The following SCN7A variants were observed in gnomAD, a reference collection of about 807,000 sequenced individuals.
SCN7A encodes the protein sodium voltage-gated channel alpha subunit 7.
Under a neutral mutation model 155.2 loss-of-function variants are expected in SCN7A, and 138 were observed. The ratio of observed to expected loss-of-function variants is 0.89; its 90% CI spans 0.77 to 1.02. The LOEUF (loss-of-function observed/expected upper bound fraction) is 1.02. Among genes scored for constraint, SCN7A ranks in the 50% least tolerant of loss-of-function variants. The pLI, the probability that SCN7A is intolerant of heterozygous loss-of-function variation, is 0.00. For missense variants in SCN7A, 2,058 were observed against 1,986.6 expected, an observed-to-expected ratio of 1.04 and a Z score of -0.68; for synonymous variants, 693 against 649.0, an observed-to-expected ratio of 1.07 and a Z score of -1.03.
At position 166,427,322 on chromosome 2, in the gene SCN7A, C is replaced by T. The variant is rs376874130; in HGVS notation, c.2853+466G>A. 4.1e-4 allele frequency among the ~76,000 whole-genome samples: 62 copies of T among 152,096 alleles called. 1 individual carries two copies. In the South Asian group the frequency reaches 5.6e-3, roughly 14 times the overall value. On this transcript the variant is annotated intron_variant, in intron 18 of 25. Transcript: ENST00000643258. ...ATATTTTTAGAATTAAGATTCTGAG[C>T]GCAGAGTTAAGATTGTAGGGTCAAA... is the stretch of plus-strand genomic sequence containing the variant.
rs560438981 is a variant in SCN7A, at chr2:166,490,179, G to A, written c.-127-3211C>T. ...TATTTAACTATCACCATCATGATGT[G>A]CAATAGAACACTTATACTTATGCCT... On this transcript the variant is annotated intron_variant, in intron 1 of 25. Transcript: ENST00000643258. 5.3e-5 allele frequency among the ~76,000 whole-genome samples: 8 copies of A among 152,146 alleles called. No homozygotes were observed. The East Asian group carries it at 1.5e-3, about 29-fold the overall frequency.
Position 166,477,678 on chromosome 2 carries a change from G to T in SCN7A, c.19C>A (p.Pro7Thr). Reference sequence around the variant, plus strand: ...TTAGTGAAGGGAACAAGGCCCTTAGGTTCTGGTGAAGCCAACATTTCCAAT... The same window carrying T: ...TTAGTGAAGGGAACAAGGCCCTTAGTTTCTGGTGAAGCCAACATTTCCAAT... MLASPE[P>T]KGLVPFTKES... is the part of the protein sequence containing the mutation. Residue 7 changes from proline (P) to threonine (T), a missense_variant, in exon 3 of 26, where the codon CCT becomes ACT. Transcript: ENST00000643258. The T allele has an allele frequency of 6.4e-7, 1 of 1,568,620 alleles. No homozygotes were observed. The highest frequency in any genetic ancestry group is 1.4e-5 in the African/African-American group (1 of 72,456).
chr2:166,409,193 A>C (rs188199973), intron 25 of SCN7A, among the ~76,000 whole-genome samples: 17 of 152,140 alleles, frequency 1.1e-4, no homozygotes, highest in Admixed American at 1.3e-4. Flanking sequence ...TTATTAAATA[A>C]GAGAGAGATC....
In SCN7A at chr2:166,429,180, T is replaced by A; in HGVS notation, c.2687A>T (p.His896Leu). The change falls in exon 17 of 26, where the codon CAT becomes CTT. Residue 896 changes from histidine to leucine, a missense_variant. Coordinates refer to ENST00000643258, the MANE Select transcript of SCN7A (RefSeq NM_002976.4). Reference sequence around the variant, plus strand: ...CAAAATTTTCTTACCATTTTTCAGATGCTTTGATCTTTCACCTCCATAGAA... The same window carrying A: ...CAAAATTTTCTTACCATTTTTCAGAAGCTTTGATCTTTCACCTCCATAGAA... ...EMFYGGERSK[H>L]LKNGCRRGSS... 1 of 1,527,700 alleles carries A rather than the reference T, an allele frequency of 6.5e-7. No individual in the cohort carries two copies. Among genetic ancestry groups the A allele is most frequent in the African/African-American group, 1.4e-5 (1 of 71,704 alleles). The allele number at this position is 1,527,700 out of a possible 1,614,324, so 94.6% of individuals were successfully genotyped here.
chr2:166,456,803 AAT>A (rs61576399), intron 11 of SCN7A, 65 bp downstream of exon 11: 34,438 of 496,372 alleles, frequency 0.069, 1,315 homozygotes, highest in Middle Eastern at 0.09. Context: ...TCAAGACTAA[AAT>A]ATATATATAT....
Position 166,456,829 on chromosome 2 carries a change from TAG to T in SCN7A, c.1290+39_1290+40del, listed in dbSNP as rs200935650. The T allele has an allele frequency of 9.8e-4, 723 of 738,320 alleles. 6 individuals carry two copies. In the East Asian group the frequency reaches 0.011, roughly 12 times the overall value. 45.7% of individuals were successfully genotyped at this position (738,320 alleles called of 1,614,324 possible). ...ATATATATATATATATATATATATA[TAG>T]ATAGATAGATAGATAGATAGATAGA... On this transcript the variant is annotated intron_variant, in intron 11 of 25. Coordinates refer to ENST00000643258, the MANE Select transcript of SCN7A (RefSeq NM_002976.4).
intron 15 of SCN7A, among the ~76,000 whole-genome samples, chr2:166,438,987 ATT>A (rs1402235876): frequency 6.8e-6 from 1 of 146,830 alleles, no homozygotes; most frequent in African/African-American, 2.5e-5. Context: ...ATATATATAT[ATT>A]TATATGTTAT....
chr2:166,419,310 C>G (rs1701460101), intron 20 of SCN7A, among the ~76,000 whole-genome samples: 1 of 149,088 alleles, frequency 6.7e-6, no homozygotes, highest in Non-Finnish European at 1.5e-5. Context: ...TCAGAATATT[C>G]TATAATGTTT....
chr2:166,446,305 C>A (rs569104706), intron 12 of SCN7A, among the ~76,000 whole-genome samples: 2 of 152,242 alleles, frequency 1.3e-5, no homozygotes, highest in South Asian at 4.1e-4. Context: ...AAATGCAAAT[C>A]AAAACCACAA....
chr2:166,407,563 C>T (rs185485706), intron 25 of SCN7A, among the ~76,000 whole-genome samples: 20 of 151,998 alleles, frequency 1.3e-4, no homozygotes, highest in African/African-American at 4.6e-4. Flanking sequence ...AATACCCTAT[C>T]TCTATAGTGC....
At chr2:166,414,202 A>C (rs1196168467) in intron 21 of SCN7A, among the ~76,000 whole-genome samples, 5 of 96,660 alleles carry the variant, frequency 5.2e-5, no homozygotes, top group Non-Finnish European at 5.8e-5. Context: ...ATAATATATT[A>C]TATATATGTA....
chr2:166,409,799 A>G lies in SCN7A; in HGVS notation c.3848T>C (p.Leu1283Pro), dbSNP rs1213076694. The G allele has an allele frequency of 1.1e-5, 18 of 1,573,082 alleles. No individual in the cohort carries two copies. Among genetic ancestry groups the G allele is most frequent in the Non-Finnish European group, 1.5e-5 (17 of 1,156,866 alleles). The change falls in exon 25 of 26, where the codon CTC (leucine) becomes CCC (proline). Residue 1283 changes from leucine (L) to proline (P), a missense_variant. Coordinates refer to ENST00000643258, the MANE Select transcript of SCN7A (RefSeq NM_002976.4). The part of the protein sequence containing the change: ...DVQSLQMSIA[L>P]YWINSIFVML... ...AACAAAAATTGAGTTAATCCAGTAG[A>G]GAGCAATGGACATTTGTAGACTCTG...
Position 166,429,208 on chromosome 2 carries a change from TTTC to T in SCN7A, c.2656_2658del (p.Glu886del), listed in dbSNP as rs879649943. On this transcript the variant is annotated inframe_deletion, in exon 17 of 26. Transcript: ENST00000643258. ...TTTGATCTTTCACCTCCATAGAACA[TTTC>T]TTCTTCTTCAGAGATAGCAATATCA... 2.1e-5 allele frequency: 33 copies of T among 1,546,764 alleles called. No homozygotes were observed. The highest frequency in any genetic ancestry group is 2.7e-5 in the Non-Finnish European group (31 of 1,144,640).
intron 23 of SCN7A, among the ~76,000 whole-genome samples, chr2:166,411,357 A>T (rs1422267755): frequency 6.6e-6 from 1 of 152,046 alleles, no homozygotes; most frequent in South Asian, 2.1e-4. Flanking sequence ...CCACCCACAC[A>T]TTACTCACTT....
chr2:166,433,909 T>C lies in SCN7A; in HGVS notation c.2158-1157A>G, dbSNP rs78893741. On this transcript the variant is annotated intron_variant, in intron 15 of 25. Coordinates refer to ENST00000643258, the MANE Select transcript of SCN7A (RefSeq NM_002976.4). ...TTGTAACTTATTTTTAACTCAAAGA[T>C]AGTGTATATTTTGACTTTTACTATC... Among the ~76,000 whole-genome samples the C allele has an allele frequency of 5.2e-3, 792 of 152,308 alleles. 4 individuals are homozygous for C. The highest frequency in any genetic ancestry group is 0.018 in the African/African-American group (756 of 41,588).
At chr2:166,439,055 G>GTGTATATATA (rs375208870) in intron 15 of SCN7A, among the ~76,000 whole-genome samples, 9,990 of 112,908 alleles carry the variant, frequency 0.088, 553 homozygotes, top group Admixed American at 0.15. Flanking sequence ...GTGTGTGTGT[G>GTGTATATATA]TATATATATA....
intron 16 of SCN7A, among the ~76,000 whole-genome samples, chr2:166,429,743 T>C (rs183052784): frequency 2.0e-5 from 3 of 152,156 alleles, no homozygotes; most frequent in East Asian, 3.9e-4. Flanking sequence ...GTCTTATGTA[T>C]GTCATCACAG....
intron 6 of SCN7A, among the ~76,000 whole-genome samples, chr2:166,472,035 C>T (rs1702669770): frequency 1.3e-5 from 2 of 151,772 alleles, no homozygotes; most frequent in Admixed American, 6.6e-5. Flanking sequence ...CATATGCATA[C>T]ATTTGCCATG....
Position 166,456,980 on chromosome 2 carries a change from C to T in SCN7A, c.1180G>A (p.Ala394Thr). 6.2e-7 allele frequency: 1 copy of T among 1,607,378 alleles called. No individual in the cohort carries two copies. The highest frequency in any genetic ancestry group is 2.2e-5 in the East Asian group (1 of 44,686). The change falls in exon 11 of 26, where the codon GCC (alanine) becomes ACC (threonine). Residue 394 changes from alanine (A) to threonine (T), a missense_variant. Coordinates refer to ENST00000643258, the MANE Select transcript of SCN7A (RefSeq NM_002976.4). ...YMASLFLGILAMAYEEEKQRV... is the reference protein window; with the variant it reads ...YMASLFLGILTMAYEEEKQRV... ...TGCTTTTCTTCTTCATAGGCCATGG[C>T]AAGTATGCCTAAGAACAAACTTGCC...
Sources: gnomAD v4.1 joint callset for allele counts (sites outside exome capture counted in the v4.1 genomes callset) on GRCh38, gnomAD v4.1.1 for gene constraint, MANE v1.5 for transcripts, NCBI Gene and HGNC (gene_info 2026-07-23, HGNC 2026-07-21) for gene names.